COL22A1: variants seen among roughly 807,000 people sequenced by gnomAD.
COL22A1 encodes collagen type XXII alpha 1 chain, also known as collagen alpha-1(XXII) chain.
COL22A1 carries 221 observed loss-of-function variants against 248.9 expected under a neutral mutation model. The observed-to-expected ratio is 0.89, with a 90% confidence interval of 0.80 to 0.99. The LOEUF (loss-of-function observed/expected upper bound fraction) is 0.99, where lower values mean the gene tolerates loss of function less well. Among genes scored for constraint, COL22A1 ranks in the 50% least tolerant of loss-of-function variants. COL22A1 has a pLI of 0.00. For missense variants in COL22A1, 2,240 were observed against 2,179.0 expected, an observed-to-expected ratio of 1.03 and a Z score of -0.56; for synonymous variants, 891 against 793.4, an observed-to-expected ratio of 1.12 and a Z score of -2.07.
chr8:138,701,642 C>G (rs906680173), intron 31 of COL22A1, among the ~76,000 whole-genome samples: 1 of 152,240 alleles, frequency 6.6e-6, no homozygotes. Flanking sequence ...GAGAGGCCTT[C>G]ACTCATGTGG....
intron 7 of COL22A1, among the ~76,000 whole-genome samples, chr8:138,815,696 C>T (rs1315717263): frequency 6.6e-6 from 1 of 152,214 alleles, no homozygotes; most frequent in African/African-American, 2.4e-5. Flanking sequence ...GGCAAGGTCT[C>T]CTGTCTCCTG....
At chr8:138,813,637 CAGCG>C (rs1818433411) in intron 7 of COL22A1, among the ~76,000 whole-genome samples, 1 of 59,778 alleles carries the variant, frequency 1.7e-5, no homozygotes, top group Non-Finnish European at 4.2e-5. Context: ...CGTTAAAGTC[CAGCG>C]TTTCGTTCTA....
chr8:138,784,277 T>C (rs1040373518), intron 12 of COL22A1, among the ~76,000 whole-genome samples: 5 of 152,220 alleles, frequency 3.3e-5, no homozygotes, highest in Non-Finnish European at 7.3e-5. Flanking sequence ...GGTTTGGGAA[T>C]ATTTCATGAG....
chr8:138,717,986 G>T (rs999911133), intron 27 of COL22A1, among the ~76,000 whole-genome samples: 1 of 151,162 alleles, frequency 6.6e-6, no homozygotes, highest in Non-Finnish European at 1.5e-5. Context: ...AGGAAATGTG[G>T]TTTTCTCATG....
chr8:138,700,032 G>A (rs1827823464), intron 32 of COL22A1, 80 bp downstream of exon 32: 1 of 1,384,160 alleles, frequency 7.2e-7, no homozygotes, highest in Non-Finnish European at 1.0e-6. Context: ...ACCCCACCCA[G>A]TCCAGGCTCC....
chr8:138,670,806 C>T (rs532950915), intron 41 of COL22A1, among the ~76,000 whole-genome samples: 1 of 151,528 alleles, frequency 6.6e-6, no homozygotes, highest in Non-Finnish European at 1.5e-5. Flanking sequence ...TAAAAAAACA[C>T]AAAAATTAGC....
intron 22 of COL22A1, among the ~76,000 whole-genome samples, 184 bp downstream of exon 22, chr8:138,751,274 C>G (rs1373659844): frequency 3.3e-5 from 5 of 152,176 alleles, no homozygotes; most frequent in Non-Finnish European, 5.9e-5. Flanking sequence ...AAGCCCAACT[C>G]AAGGCAGAAC....
rs866909847 is a variant in COL22A1, at chr8:138,594,183, G to A, written c.4449C>T (p.Leu1483=). 1 of 1,571,218 alleles carries A rather than the reference G, an allele frequency of 6.4e-7. No individual in the cohort carries two copies. The highest frequency in any genetic ancestry group is 8.6e-7 in the Non-Finnish European group (1 of 1,164,684). The change falls in exon 63 of 65, where the codon CTC becomes CTT. Residue 1483 remains leucine, a synonymous_variant. Coordinates refer to ENST00000303045, the MANE Select transcript of COL22A1 (RefSeq NM_152888.3). Reference sequence around the variant, plus strand: ...TGTACGCCGGGGGCATCTGGGCCAGGAGGTAGGCGAGTCTGGCTGTAAAGT... The same window carrying A: ...TGTACGCCGGGGGCATCTGGGCCAGAAGGTAGGCGAGTCTGGCTGTAAAGT... The part of the protein sequence containing the change: ...GKQLETRLAY[L]LAQMPPAYMK...
intron 22 of COL22A1, among the ~76,000 whole-genome samples, chr8:138,740,032 G>A (rs771346152): frequency 7.2e-5 from 11 of 152,296 alleles, no homozygotes; most frequent in African/African-American, 1.2e-4. Context: ...TGCAGACATC[G>A]GGAAGCTGAT....
intron 16 of COL22A1, among the ~76,000 whole-genome samples, chr8:138,770,823 A>G (rs1166336223): frequency 6.6e-6 from 1 of 152,200 alleles, no homozygotes; most frequent in East Asian, 1.9e-4. Flanking sequence ...AGTCGGAGGC[A>G]GTGCAAAGCT....
At chr8:138,655,768 C>T (rs1217161930) in intron 45 of COL22A1, 129 bp downstream of exon 45, 1 of 804,834 alleles carries the variant, frequency 1.2e-6, no homozygotes, top group South Asian at 1.4e-5. Context: ...GAGTTGTCAA[C>T]TAATGGCGCT....
rs149394422 is a variant in COL22A1, at chr8:138,726,402, C to T, written c.2140-962G>A. 5.5e-3 allele frequency among the ~76,000 whole-genome samples: 807 copies of T among 147,892 alleles called. 6 individuals carry two copies. Among genetic ancestry groups the T allele is most frequent in the African/African-American group, 0.018 (718 of 39,764 alleles). On this transcript the variant is annotated intron_variant, in intron 23 of 64. Coordinates refer to ENST00000303045, the MANE Select transcript of COL22A1 (RefSeq NM_152888.3). Reference sequence around the variant, plus strand: ...GTCCCAGCTACTCAGAAGGCTGAGGCGAGAGGATTGTTTGAGACTGGGAGT... The same window carrying T: ...GTCCCAGCTACTCAGAAGGCTGAGGTGAGAGGATTGTTTGAGACTGGGAGT...
intron 2 of COL22A1, among the ~76,000 whole-genome samples, chr8:138,882,543 C>T (rs1824298933): frequency 6.7e-6 from 1 of 149,094 alleles, no homozygotes; most frequent in Non-Finnish European, 1.5e-5. Flanking sequence ...CACTCCCCCA[C>T]ATGCTCCCTC....
At chr8:138,908,364 G>C (rs1324598204) in intron 1 of COL22A1, among the ~76,000 whole-genome samples, 1 of 152,216 alleles carries the variant, frequency 6.6e-6, no homozygotes, top group Admixed American at 6.5e-5. Context: ...CAGAAGAGTT[G>C]CAGATACTGT....
At chr8:138,833,347 C>T (rs986130909) in intron 4 of COL22A1, among the ~76,000 whole-genome samples, 197 bp from the exon 5 acceptor site, 1 of 152,246 alleles carries the variant, frequency 6.6e-6, no homozygotes, top group Non-Finnish European at 1.5e-5. Flanking sequence ...TTGGCTTCAA[C>T]TCCAGGAAAA....
rs114356749 is a variant in COL22A1, at chr8:138,900,582, A to G, written c.-73+13037T>C. On this transcript the variant is annotated intron_variant, in intron 1 of 64. Transcript: ENST00000303045. ...CTCTCCCAGTTGCTAGAAACTGTAA[A>G]TGAAACTCAAGCCATATCTGTGTAT... Among the ~76,000 whole-genome samples the G allele has an allele frequency of 2.5e-3, 387 of 152,328 alleles. 2 individuals are homozygous for G. Among genetic ancestry groups the G allele is most frequent in the African/African-American group, 8.9e-3 (372 of 41,578 alleles).
rs376559750 is a variant in COL22A1 at position 138,797,970 on chromosome 8, C to T, written c.1558-1113G>A. 3.6e-4 allele frequency among the ~76,000 whole-genome samples: 51 copies of T among 141,278 alleles called. No individual in the cohort carries two copies. In the South Asian group the frequency reaches 6.9e-3, roughly 19 times the overall value. The allele number at this position is 141,278 out of a possible 152,430, so 92.7% of individuals were successfully genotyped here. Reference sequence around the variant, plus strand: ...TTGTCTAATATTAGTACAGTCACCCCAGTTTTCTGTTTTTTATTTTCAAGA... The same window carrying T: ...TTGTCTAATATTAGTACAGTCACCCTAGTTTTCTGTTTTTTATTTTCAAGA... On this transcript the variant is annotated intron_variant, in intron 11 of 64. Transcript: ENST00000303045.
At chr8:138,869,498 C>T (rs1304602159) in intron 3 of COL22A1, among the ~76,000 whole-genome samples, 1 of 152,144 alleles carries the variant, frequency 6.6e-6, no homozygotes, top group Non-Finnish European at 1.5e-5. Context: ...TAGGCAGAGG[C>T]AGGAGTCAGT....
chr8:138,778,602 C>T (rs192712895), intron 14 of COL22A1, among the ~76,000 whole-genome samples, 196 bp from the exon 15 acceptor site: 2 of 152,320 alleles, frequency 1.3e-5, no homozygotes, highest in African/African-American at 4.8e-5. Context: ...ATTTAGAAGT[C>T]ATGCCATCTG....
Sources: gnomAD v4.1 joint callset for allele counts (sites outside exome capture counted in the v4.1 genomes callset) on GRCh38, gnomAD v4.1.1 for gene constraint, MANE v1.5 for transcripts, NCBI Gene and HGNC (gene_info 2026-07-23, HGNC 2026-07-21) for gene names.